The following SLC25A21 variants were observed in gnomAD, a reference collection of about 807,000 sequenced individuals.
SLC25A21 encodes the protein solute carrier family 25 member 21.
In SLC25A21, 47 loss-of-function variants were observed where a neutral mutation model predicts 43.8. The observed-to-expected ratio is 1.07, with a 90% confidence interval of 0.85 to 1.37. SLC25A21 has a LOEUF of 1.37. Among genes scored for constraint, SLC25A21 ranks in the 40% most tolerant of loss-of-function variants. The pLI is 0.00. For synonymous variants in SLC25A21, 131 were observed against 121.3 expected (o/e 1.08, Z -0.52); for missense variants, 352 against 350.2 (o/e 1.00, Z -0.04).
chr14:37,071,596 T>C (rs893028629), intron 1 of SLC25A21, among the ~76,000 whole-genome samples: 8 of 152,214 alleles, frequency 5.3e-5, no homozygotes, highest in Non-Finnish European at 1.0e-4. Context: ...AGACAAAATC[T>C]ATTTGCTATA....
At chr14:37,065,658 G>T (rs1338462882) in intron 1 of SLC25A21, among the ~76,000 whole-genome samples, 1 of 152,192 alleles carries the variant, frequency 6.6e-6, no homozygotes, top group African/African-American at 2.4e-5. Flanking sequence ...GAATGTCCCT[G>T]AGAAGTTGTA....
intron 1 of SLC25A21, among the ~76,000 whole-genome samples, chr14:36,881,188 G>A (rs1890711202): frequency 6.6e-6 from 1 of 152,122 alleles, no homozygotes; most frequent in East Asian, 1.9e-4. Context: ...CTATGTTATT[G>A]TTCTGACAAA....
At chr14:37,011,622 C>T (rs1420228362) in intron 1 of SLC25A21, among the ~76,000 whole-genome samples, 3 of 152,166 alleles carry the variant, frequency 2.0e-5, no homozygotes, top group Non-Finnish European at 4.4e-5. Flanking sequence ...TCCAGAATCA[C>T]ATCATCATCA....
intron 1 of SLC25A21, among the ~76,000 whole-genome samples, chr14:37,006,569 G>T (rs1231073088): frequency 6.6e-6 from 1 of 151,488 alleles, no homozygotes; most frequent in Non-Finnish European, 1.5e-5. Flanking sequence ...ACTAGCTGGG[G>T]GAAAAAAAAG....
At chr14:36,863,766 T>C (rs1211772908) in intron 2 of SLC25A21, among the ~76,000 whole-genome samples, 1 of 152,234 alleles carries the variant, frequency 6.6e-6, no homozygotes, top group Non-Finnish European at 1.5e-5. Flanking sequence ...GCTCCTCCTT[T>C]TTCCTGGGTC....
intron 3 of SLC25A21, among the ~76,000 whole-genome samples, chr14:36,778,693 G>A (rs1302539305): frequency 6.6e-6 from 1 of 152,164 alleles, no homozygotes; most frequent in Non-Finnish European, 1.5e-5. Flanking sequence ...ATTGAAGTAT[G>A]ATTGACAAAT....
chr14:36,891,465 A>G (rs1031855314), intron 1 of SLC25A21, among the ~76,000 whole-genome samples: 10 of 152,268 alleles, frequency 6.6e-5, no homozygotes, highest in East Asian at 5.8e-4. Flanking sequence ...CAACATTTCT[A>G]TTATAACTCT....
chr14:36,874,976 G>A lies in SLC25A21; in HGVS notation c.99C>T (p.Pro33=). 6.2e-7 allele frequency: 1 copy of A among 1,610,972 alleles called. No homozygotes were observed. The highest frequency in any genetic ancestry group is 1.1e-5 in the South Asian group (1 of 90,410). Residue 33 remains proline (P), a synonymous_variant, in exon 2 of 10, where the codon CCC becomes CCT. Coordinates refer to ENST00000331299, the MANE Select transcript of SLC25A21 (RefSeq NM_030631.4). ...CTTACCTGGTTTTCACCACATCTAG[G>A]GGGTGCATCAGGCAAATTTCTACAA... ...AGLVEICLMH[P]LDVVKTRFQI...
chr14:36,891,548 T>C (rs1040467738), intron 1 of SLC25A21, among the ~76,000 whole-genome samples: 3 of 152,170 alleles, frequency 2.0e-5, no homozygotes, highest in Admixed American at 2.0e-4. Flanking sequence ...CTAAAGTATA[T>C]ATAGGCAACA....
chr14:36,958,389 C>G (rs1959396613), intron 1 of SLC25A21, among the ~76,000 whole-genome samples: 1 of 152,158 alleles, frequency 6.6e-6, no homozygotes, highest in African/African-American at 2.4e-5. Flanking sequence ...TGAGTCTGAA[C>G]AAGCCATTTA....
chr14:37,151,564 AG>A (rs759011898), intron 1 of SLC25A21, among the ~76,000 whole-genome samples: 18 of 152,350 alleles, frequency 1.2e-4, no homozygotes, highest in East Asian at 1.9e-4. Flanking sequence ...AGAGAGAAAA[AG>A]AAGACTTATG....
At chr14:36,784,357 A>G (rs1887175354) in intron 3 of SLC25A21, among the ~76,000 whole-genome samples, 1 of 152,182 alleles carries the variant, frequency 6.6e-6, no homozygotes, top group African/African-American at 2.4e-5. Flanking sequence ...CTACCAGAAC[A>G]TTGGCTGTTT....
chr14:36,694,294 T>G (rs1374799100), intron 7 of SLC25A21, among the ~76,000 whole-genome samples: 2 of 152,228 alleles, frequency 1.3e-5, no homozygotes, highest in African/African-American at 2.4e-5. Flanking sequence ...TGCCACATTT[T>G]CTTAATCCAG....
chr14:36,776,614 T>C (rs74044979), intron 3 of SLC25A21, among the ~76,000 whole-genome samples: 6,947 of 152,058 alleles, frequency 0.046, 551 homozygotes, highest in African/African-American at 0.16. Context: ...TCCCCAACTG[T>C]AGGGTTCCCT....
chr14:36,939,879 TCA>T (rs1165360265), intron 1 of SLC25A21, among the ~76,000 whole-genome samples: 2 of 152,124 alleles, frequency 1.3e-5, no homozygotes, highest in Non-Finnish European at 2.9e-5. Context: ...GAATGTGAAC[TCA>T]CAGAAATAAG....
chr14:36,706,231 C>T (rs969045914), intron 7 of SLC25A21, among the ~76,000 whole-genome samples: 20 of 152,192 alleles, frequency 1.3e-4, no homozygotes, highest in African/African-American at 3.1e-4. Flanking sequence ...ATCACATCAT[C>T]GGGACCATCT....
At chr14:36,818,045 G>A (rs1289723879) in intron 2 of SLC25A21, among the ~76,000 whole-genome samples, 1 of 152,186 alleles carries the variant, frequency 6.6e-6, no homozygotes, top group African/African-American at 2.4e-5. Flanking sequence ...ATAAGAAAAA[G>A]CCCTGCCTTG....
chr14:36,984,365 A>G (rs1190912505), intron 1 of SLC25A21, among the ~76,000 whole-genome samples: 1 of 152,152 alleles, frequency 6.6e-6, no homozygotes, highest in Non-Finnish European at 1.5e-5. Flanking sequence ...TTGCCCCCAA[A>G]AGGGGGAAAC....
intron 1 of SLC25A21, among the ~76,000 whole-genome samples, chr14:37,144,162 A>T (rs1051171292): frequency 2.0e-5 from 3 of 152,188 alleles, no homozygotes; most frequent in African/African-American, 7.2e-5. Flanking sequence ...ATCTTGGGAA[A>T]AGGACTGACA....
Sources: gnomAD v4.1 joint callset for allele counts (sites outside exome capture counted in the v4.1 genomes callset) on GRCh38, gnomAD v4.1.1 for gene constraint, MANE v1.5 for transcripts, NCBI Gene and HGNC (gene_info 2026-07-23, HGNC 2026-07-21) for gene names.